SORD: variants seen among roughly 807,000 people sequenced by gnomAD.
The protein encoded by SORD is (R,R)-butanediol dehydrogenase.
SORD carries 18 observed loss-of-function variants against 35.6 expected under a neutral mutation model. The observed-to-expected ratio is 0.51, with a 90% CI of 0.35 to 0.75. The LOEUF is 0.75. Among genes scored for constraint, SORD ranks in the 30% least tolerant of loss-of-function variants. The pLI is 0.01. For synonymous variants in SORD, 106 were observed against 152.9 expected (o/e 0.69, Z 2.26); for missense variants, 250 against 390.2 (o/e 0.64, Z 3.03).
At chr15:45,065,778 G>A (rs1223058498) in intron 5 of SORD, among the ~76,000 whole-genome samples, 2 of 152,070 alleles carry the variant, frequency 1.3e-5, no homozygotes, top group Middle Eastern at 3.2e-3. Context: ...AAAATTAGCA[G>A]GTGTGGTAGT....
chr15:45,055,057 T>C (rs1290492701), intron 3 of SORD, among the ~76,000 whole-genome samples: 1 of 152,132 alleles, frequency 6.6e-6, no homozygotes, highest in African/African-American at 2.4e-5. Context: ...AGCCTTGTAG[T>C]ATAGTTTGAA....
intron 1 of SORD, among the ~76,000 whole-genome samples, chr15:45,028,758 A>G (rs74011308): frequency 0.21 from 31,044 of 150,522 alleles, no homozygotes; most frequent in African/African-American, 0.44. Context: ...AGGTCAAAAG[A>G]ATTGCTTTGA....
Position 45,023,321 on chromosome 15 carries a change from T to G in SORD, c.38T>G (p.Val13Gly). 5.0e-6 allele frequency: 8 copies of G among 1,591,332 alleles called. No homozygotes were observed. Among genetic ancestry groups the G allele is most frequent in the Non-Finnish European group, 6.8e-6 (8 of 1,170,188 alleles). Residue 13 changes from valine (V) to glycine (G), a missense_variant, in exon 1 of 9, where the codon GTG (valine) becomes GGG (glycine). Val to Gly is a moderately radical substitution (Grantham distance 109). This residue lies in a region of SORD where 43 missense variants were observed against 30.6 expected (regional missense o/e 1.40). Transcript: ENST00000267814. The part of the protein sequence containing the change: ...AAAKPNNLSL[V>G]VHGPGDLRLE... ...GCCAAGCCCAACAACCTTTCCCTGGTGGTGCACGGACCGGGGGACTTGCGC... is the reference window on the plus strand; with the variant it reads ...GCCAAGCCCAACAACCTTTCCCTGGGGGTGCACGGACCGGGGGACTTGCGC...
At chr15:45,035,088 C>T (rs1362725944) in intron 1 of SORD, among the ~76,000 whole-genome samples, 1 of 152,162 alleles carries the variant, frequency 6.6e-6, no homozygotes, top group Non-Finnish European at 1.5e-5. Flanking sequence ...GGGCTCGGGA[C>T]CTGCAGCCCG....
At chr15:45,039,027 G>C (rs572625482) in intron 1 of SORD, among the ~76,000 whole-genome samples, 9 of 152,114 alleles carry the variant, frequency 5.9e-5, no homozygotes, top group Non-Finnish European at 8.8e-5. Context: ...ATTTAACTTC[G>C]CAGCTTCGAA....
chr15:45,038,855 G>A (rs760154767), intron 1 of SORD, among the ~76,000 whole-genome samples: 3 of 152,128 alleles, frequency 2.0e-5, no homozygotes, highest in Admixed American at 6.5e-5. Flanking sequence ...CCTCCTCCCA[G>A]AGTTTTCTTC....
chr15:45,028,545 TG>T (rs1301529966), intron 1 of SORD, among the ~76,000 whole-genome samples: 26 of 152,144 alleles, frequency 1.7e-4, no homozygotes, highest in African/African-American at 6.0e-4. Context: ...ATGGAGGGGA[TG>T]TAGTCAGATT....
chr15:45,063,886 G>A, intron 4 of SORD, among the ~76,000 whole-genome samples: 1 of 150,302 alleles, frequency 6.7e-6, no homozygotes, highest in African/African-American at 2.4e-5. Flanking sequence ...GCAGGAGAGT[G>A]GATTGGAGTA....
intron 3 of SORD, among the ~76,000 whole-genome samples, chr15:45,049,014 C>G (rs1893087702): frequency 6.6e-6 from 1 of 152,178 alleles, no homozygotes; most frequent in African/African-American, 2.4e-5. Context: ...CCTGCCCACC[C>G]CCTTGCAAGT....
chr15:45,066,033 CA>C (rs1351666981), intron 5 of SORD, among the ~76,000 whole-genome samples: 1 of 151,904 alleles, frequency 6.6e-6, no homozygotes, highest in Non-Finnish European at 1.5e-5. Flanking sequence ...CACTTGAGGC[CA>C]AAAGTTCAAG....
At chr15:45,032,460 C>T (rs1471701388) in intron 1 of SORD, among the ~76,000 whole-genome samples, 3 of 151,914 alleles carry the variant, frequency 2.0e-5, no homozygotes, top group Non-Finnish European at 2.9e-5. Flanking sequence ...CTAAGTGTCT[C>T]GTAATTCTTG....
Position 45,069,044 on chromosome 15 carries a change from G to C in SORD, c.778G>C (p.Gly260Arg), listed in dbSNP as rs780931786. Residue 260 changes from glycine to arginine, a missense_variant, in exon 7 of 9, where the codon GGC (glycine) becomes CGC (arginine). This residue lies in a region of SORD where 44 missense variants were observed against 54.5 expected (regional missense o/e 0.81). Transcript: ENST00000267814. ...GGGGGCAGAGGCCTCCATCCAGGCG[G>C]GCATCTACGTGAGTGGGCTGAGGGC... ...CTGAEASIQAGIYATRSGGNL... is the reference protein window; with the variant it reads ...CTGAEASIQARIYATRSGGNL... 23 of 1,609,698 alleles carry C rather than the reference G, an allele frequency of 1.4e-5. No homozygotes were observed. The highest frequency in any genetic ancestry group is 1.7e-4 in the Middle Eastern group (1 of 6,060).
intron 7 of SORD, among the ~76,000 whole-genome samples, chr15:45,071,323 C>T (rs1259027912): frequency 3.3e-5 from 5 of 152,154 alleles, no homozygotes; most frequent in African/African-American, 9.7e-5. Context: ...TGAGAGGGCA[C>T]GTCCAGGGTG....
intron 7 of SORD, among the ~76,000 whole-genome samples, chr15:45,071,324 G>A (rs868668450): frequency 7.9e-5 from 12 of 152,280 alleles, no homozygotes; most frequent in East Asian, 3.9e-4. Flanking sequence ...GAGAGGGCAC[G>A]TCCAGGGTGC....
chr15:45,069,213 T>C (rs1037265899), intron 7 of SORD, among the ~76,000 whole-genome samples, 161 bp downstream of exon 7: 3 of 133,782 alleles, frequency 2.2e-5, no homozygotes, highest in African/African-American at 8.2e-5. Flanking sequence ...TTTTTTTTTT[T>C]TTTTTTTTTT....
intron 5 of SORD, among the ~76,000 whole-genome samples, chr15:45,067,670 G>A (rs1242816733): frequency 6.6e-6 from 1 of 152,038 alleles, no homozygotes; most frequent in Non-Finnish European, 1.5e-5. Context: ...GAGTATCCTG[G>A]GGCTATCTGG....
At chr15:45,035,298 T>C (rs1892845620) in intron 1 of SORD, among the ~76,000 whole-genome samples, 1 of 152,190 alleles carries the variant, frequency 6.6e-6, no homozygotes, top group African/African-American at 2.4e-5. Flanking sequence ...GCTGGGCTCC[T>C]GAGTCTAGTG....
chr15:45,066,330 G>C (rs1200719890), intron 5 of SORD, among the ~76,000 whole-genome samples: 1 of 143,100 alleles, frequency 7.0e-6, no homozygotes, highest in African/African-American at 2.6e-5. Flanking sequence ...TTTTTCTTTT[G>C]AGACAGAGTC....
At chr15:45,034,781 C>A (rs1165623934) in intron 1 of SORD, among the ~76,000 whole-genome samples, 4 of 152,258 alleles carry the variant, frequency 2.6e-5, no homozygotes, top group Non-Finnish European at 5.9e-5. Context: ...GAGCCCCTTT[C>A]TGGGTTGGCC....
Sources: allele counts gnomAD v4.1 joint callset (sites outside exome capture counted in the v4.1 genomes callset), GRCh38; gene constraint gnomAD v4.1.1; regional missense constraint gnomAD v4.1.1; transcripts MANE v1.5; gene names NCBI Gene and HGNC (gene_info 2026-07-23, HGNC 2026-07-21).